Variants in PCDH17 observed in about 807,000 individuals in gnomAD.
The protein encoded by PCDH17 is protocadherin-17.
In PCDH17, 21 loss-of-function variants were observed where a neutral mutation model predicts 67.7. That is an observed-to-expected ratio of 0.31 (90% CI 0.22 to 0.45). The LOEUF (loss-of-function observed/expected upper bound fraction) is 0.45, where lower values mean the gene tolerates loss of function less well. Ranked by LOEUF, PCDH17 falls within the 20% of genes least tolerant of loss-of-function variation. PCDH17 has a pLI of 1.00. For synonymous variants in PCDH17, 701 were observed against 656.7 expected (o/e 1.07, Z -1.03); for missense variants, 1,471 against 1,564.8 (o/e 0.94, Z 1.01).
intron 1 of PCDH17, among the ~76,000 whole-genome samples, chr13:57,645,712 T>C (rs1193642347): frequency 1.3e-5 from 2 of 151,002 alleles, no homozygotes; most frequent in Non-Finnish European, 3.0e-5. Flanking sequence ...ATATAATATA[T>C]ACACACACAC....
At chr13:57,717,641 C>G (rs540488927) in intron 3 of PCDH17, among the ~76,000 whole-genome samples, 25 of 152,084 alleles carry the variant, frequency 1.6e-4, no homozygotes, top group Non-Finnish European at 2.2e-4. Context: ...GCAATACATT[C>G]AAAAGCATTG....
At chr13:57,683,067 C>G (rs1291462560) in intron 3 of PCDH17, among the ~76,000 whole-genome samples, 2 of 151,664 alleles carry the variant, frequency 1.3e-5, no homozygotes, top group Non-Finnish European at 2.9e-5. Context: ...GTGACTAAGC[C>G]AAAATTTTAG....
chr13:57,677,871 C>T (rs1173724483), intron 3 of PCDH17, among the ~76,000 whole-genome samples: 1 of 151,668 alleles, frequency 6.6e-6, no homozygotes, highest in East Asian at 1.9e-4. Context: ...AGTAGAGAGT[C>T]AAATGGTGGT....
intron 3 of PCDH17, among the ~76,000 whole-genome samples, chr13:57,697,218 A>T (rs9537780): frequency 0.83 from 126,220 of 151,410 alleles, 53,047 homozygotes; most frequent in African/African-American, 0.94. Context: ...TTCTGATCTC[A>T]TATGGCTAGA....
chr13:57,710,516 T>G (rs1955766707), intron 3 of PCDH17, among the ~76,000 whole-genome samples: 1 of 151,866 alleles, frequency 6.6e-6, no homozygotes, highest in Non-Finnish European at 1.5e-5. Context: ...GAAAACACAT[T>G]AACATTTGAA....
intron 1 of PCDH17, among the ~76,000 whole-genome samples, chr13:57,650,359 G>A (rs1451786874): frequency 6.6e-6 from 1 of 151,438 alleles, no homozygotes; most frequent in Non-Finnish European, 1.5e-5. Flanking sequence ...ACTGCCTTTT[G>A]GATTTCAACT....
intron 3 of PCDH17, among the ~76,000 whole-genome samples, chr13:57,667,607 C>T (rs1955269933): frequency 6.6e-6 from 1 of 151,684 alleles, no homozygotes; most frequent in East Asian, 1.9e-4. Flanking sequence ...GATATAGTAA[C>T]AGTCTTCAGA....
rs1369482008 is a variant in PCDH17, at chr13:57,666,809, A to G, written c.2773A>G (p.Thr925Ala). The G allele has an allele frequency of 2.5e-6, 4 of 1,610,522 alleles. No individual in the cohort carries two copies. Among genetic ancestry groups the G allele is most frequent in the African/African-American group, 1.3e-5 (1 of 74,890 alleles). ...REALKMKTTS[T>A]KSQPLEQEPE... The stretch of plus-strand genomic sequence containing the variant: ...GGCACTCAAGATGAAAACTACTTCA[A>G]CTAAAAGCCAACCACTTGAACAAGG... The change falls in exon 3 of 4, where the codon ACT (threonine) becomes GCT (alanine). Residue 925 changes from threonine to alanine, a missense_variant. Coordinates refer to ENST00000377918, the MANE Select transcript of PCDH17 (RefSeq NM_001040429.3).
chr13:57,660,210 C>G (rs1955166997), intron 1 of PCDH17, among the ~76,000 whole-genome samples: 1 of 152,146 alleles, frequency 6.6e-6, no homozygotes, highest in Admixed American at 6.5e-5. Flanking sequence ...CACCCCACTG[C>G]ACTCCAGCCT....
At chr13:57,669,874 C>T (rs964468383) in intron 3 of PCDH17, among the ~76,000 whole-genome samples, 1 of 151,812 alleles carries the variant, frequency 6.6e-6, no homozygotes, top group Non-Finnish European at 1.5e-5. Flanking sequence ...AAGTAAAAAC[C>T]AGTTAATGTG....
At position 57,635,057 on chromosome 13, in the gene PCDH17, C is replaced by G; in HGVS notation, c.2511C>G (p.Thr837=). 1 of 1,613,686 alleles carries G rather than the reference C, an allele frequency of 6.2e-7. No individual in the cohort carries two copies. Residue 837 remains threonine (T), a synonymous_variant, in exon 1 of 4, where the codon ACC becomes ACG. Coordinates refer to ENST00000377918, the MANE Select transcript of PCDH17 (RefSeq NM_001040429.3). The part of the protein sequence containing the change: ...QGHAGCHTSF[T]GQGTNASETP... The stretch of plus-strand genomic sequence containing the variant: ...ACGCGGGCTGCCACACCAGCTTCAC[C>G]GGACAAGGGACTAATGCAAGCGAGA...
At chr13:57,659,522 A>G (rs532700559) in intron 1 of PCDH17, among the ~76,000 whole-genome samples, 6 of 152,234 alleles carry the variant, frequency 3.9e-5, no homozygotes, top group South Asian at 4.1e-4. Context: ...ATTATAAACT[A>G]AGAAATTTGC....
chr13:57,700,632 A>G (rs1593937814), intron 3 of PCDH17, among the ~76,000 whole-genome samples: 1 of 152,258 alleles, frequency 6.6e-6, no homozygotes, highest in East Asian at 1.9e-4. Flanking sequence ...TTGAGGGATT[A>G]AAGAAGCCTA....
At position 57,633,122 on chromosome 13, in the gene PCDH17, C is replaced by T. The variant is rs1452758477; in HGVS notation, c.576C>T (p.Phe192=). 1.2e-6 allele frequency: 2 copies of T among 1,613,390 alleles called. No homozygotes were observed. The highest frequency in any genetic ancestry group is 2.7e-5 in the African/African-American group (2 of 74,898). Residue 192 remains phenylalanine, a synonymous_variant, in exon 1 of 4, where the codon TTC becomes TTT. Coordinates refer to ENST00000377918, the MANE Select transcript of PCDH17 (RefSeq NM_001040429.3). This position sits in a 1 kb window ranked among gnomAD's most constrained non-coding sequence, Gnocchi z 6.2. ...DVKSRGDGTK[F]PELVIQKALD... ...AGTCCCGCGGCGACGGCACCAAGTT[C>T]CCAGAACTGGTCATCCAGAAGGCTC... is the stretch of plus-strand genomic sequence containing the variant.
chr13:57,666,150 T>A (rs1055491440), intron 1 of PCDH17, among the ~76,000 whole-genome samples: 1 of 152,110 alleles, frequency 6.6e-6, no homozygotes, highest in African/African-American at 2.4e-5. Flanking sequence ...ATTTTCCCAC[T>A]CCTCCCACAA....
intron 3 of PCDH17, among the ~76,000 whole-genome samples, chr13:57,676,956 C>T (rs1362217104): frequency 6.6e-6 from 1 of 151,826 alleles, no homozygotes; most frequent in African/African-American, 2.4e-5. Context: ...TTCAAGCTCA[C>T]TATTTTGAAA....
intron 1 of PCDH17, among the ~76,000 whole-genome samples, chr13:57,642,752 G>A (rs1954920750): frequency 6.6e-6 from 1 of 151,384 alleles, no homozygotes; most frequent in African/African-American, 2.4e-5. Flanking sequence ...GAAATAATTA[G>A]GTTATATTTG....
chr13:57,635,104 T>C lies in PCDH17; in HGVS notation c.2558T>C (p.Ile853Thr). ...GAGACCCCTGCCACTCGGATGTCCA[T>C]AATTCAGGTAGGAGACTTTTAGCAT... ...ASETPATRMS[I>T]IQTDNFPAEP... The change falls in exon 1 of 4, where the codon ATA (isoleucine) becomes ACA (threonine). Residue 853 changes from isoleucine (I) to threonine (T), a missense_variant. Coordinates refer to ENST00000377918, the MANE Select transcript of PCDH17 (RefSeq NM_001040429.3). 6.2e-7 allele frequency: 1 copy of C among 1,613,096 alleles called. No individual in the cohort carries two copies. The highest frequency in any genetic ancestry group is 8.5e-7 in the Non-Finnish European group (1 of 1,179,920).
At chr13:57,683,629 C>T (rs1311587270) in intron 3 of PCDH17, among the ~76,000 whole-genome samples, 1 of 151,768 alleles carries the variant, frequency 6.6e-6, no homozygotes, top group Non-Finnish European at 1.5e-5. Context: ...AAACATGAGA[C>T]AAATCAGCAA....
Sources: allele counts gnomAD v4.1 joint callset (sites outside exome capture counted in the v4.1 genomes callset), GRCh38; gene constraint gnomAD v4.1.1; non-coding constraint Gnocchi (gnomAD v3.1); transcripts MANE v1.5; gene names NCBI Gene and HGNC (gene_info 2026-07-23, HGNC 2026-07-21).